The following CASP10 variants were observed in gnomAD, a reference collection of about 807,000 sequenced individuals.
CASP10 encodes caspase 10.
A neutral mutation model predicts 48.5 loss-of-function variants in CASP10; 41 were observed. That is an observed-to-expected ratio of 0.85 (90% CI 0.66 to 1.10). CASP10 has a LOEUF of 1.10. Among genes scored for constraint, CASP10 ranks in the 50% least tolerant of loss-of-function variants. CASP10 has a pLI of 0.00. For missense variants in CASP10, 614 were observed against 614.5 expected, an observed-to-expected ratio of 1.00 and a Z score of 0.01; for synonymous variants, 232 against 238.4, an observed-to-expected ratio of 0.97 and a Z score of 0.25.
intron 1 of CASP10, among the ~76,000 whole-genome samples, chr2:201,184,693 T>G (rs1047523926): frequency 1.3e-5 from 2 of 152,208 alleles, no homozygotes; most frequent in African/African-American, 2.4e-5. Context: ...ACTACATACC[T>G]CAAGTGCTTA....
chr2:201,228,866 C>T, intron 9 of CASP10: 1 of 1,471,102 alleles, frequency 6.8e-7, no homozygotes, highest in South Asian at 1.2e-5. Context: ...TCCAGCCTCT[C>T]CAGGTCCTTG....
chr2:201,183,378 G>A (rs1292725007), intron 1 of CASP10, 70 bp downstream of exon 1: 2 of 152,066 alleles, frequency 1.3e-5, no homozygotes, highest in Non-Finnish European at 2.9e-5. Flanking sequence ...TCATGGCTTC[G>A]TGTTGTAGAA....
chr2:201,191,733 G>A (rs1006814273), intron 3 of CASP10, among the ~76,000 whole-genome samples: 2 of 152,158 alleles, frequency 1.3e-5, no homozygotes, highest in South Asian at 4.1e-4. Context: ...GGCATTCTGG[G>A]CTTTGTCTTT....
At chr2:201,186,694 A>G (rs1363273301) in intron 2 of CASP10, among the ~76,000 whole-genome samples, 1 of 152,052 alleles carries the variant, frequency 6.6e-6, no homozygotes, top group Non-Finnish European at 1.5e-5. Context: ...ACAGCGTTTT[A>G]TTTTTATTTT....
In CASP10 at chr2:201,203,651, T is replaced by C. The variant is rs1945103057; in HGVS notation, c.685-79T>C. 3.2e-6 allele frequency: 4 copies of C among 1,236,740 alleles called. No individual in the cohort carries two copies. In the African/African-American group the frequency reaches 4.4e-5, roughly 14 times the overall value. The allele number at this position is 1,236,740 out of a possible 1,614,324, so 76.6% of individuals were successfully genotyped here. The stretch of plus-strand genomic sequence containing the variant: ...TGTGGATTAGATATCTGTCCTTCCC[T>C]GCATCAAGTCTAGTTTTTGTTCCTC... On this transcript the variant is annotated intron_variant, in intron 5 of 9. Transcript: ENST00000286186.
Position 201,221,307 on chromosome 2 carries a change from C to A in CASP10, c.*3566C>A, listed in dbSNP as rs1312992421. On this transcript the variant is annotated 3_prime_UTR_variant, in exon 10 of 10. Coordinates refer to ENST00000286186, the MANE Select transcript of CASP10 (RefSeq NM_032977.4). ...AAATGCTGTTGATAAAACCTCCTGT[C>A]AGGCCTCTGAGCCCAAGCTAAGCCA... is the stretch of plus-strand genomic sequence containing the variant. The A allele has an allele frequency of 1.0e-6, 1 of 986,146 alleles. No individual in the cohort carries two copies. Among genetic ancestry groups the A allele is most frequent in the African/African-American group, 1.7e-5 (1 of 57,374 alleles). 61.1% of individuals were successfully genotyped at this position (986,146 alleles called of 1,614,324 possible).
rs41499147 is a variant in CASP10 at position 201,187,663 on chromosome 2, A to G, written c.348-43A>G. 5.7e-5 allele frequency: 79 copies of G among 1,394,224 alleles called. No individual in the cohort carries two copies. The African/African-American group carries it at 8.5e-4, about 15-fold the overall frequency. 86.4% of individuals were successfully genotyped at this position (1,394,224 alleles called of 1,614,324 possible). A position where few individuals can be genotyped will look rare whatever the true frequency, so the allele number is the denominator to read the frequency against. ...CACTTGATTGATTATGGTGTCCTCC[A>G]CAAGTGTAAGGCTTTATTTGTCATT... On this transcript the variant is annotated intron_variant, in intron 2 of 9. Coordinates refer to ENST00000286186, the MANE Select transcript of CASP10 (RefSeq NM_032977.4).
At chr2:201,193,603 A>G (rs1423931700) in intron 4 of CASP10, among the ~76,000 whole-genome samples, 2 of 152,188 alleles carry the variant, frequency 1.3e-5, no homozygotes, top group Non-Finnish European at 2.9e-5. Flanking sequence ...TTGAGTTCAT[A>G]TTTTGTACCA....
chr2:201,188,008 TTC>T (rs1427387434), intron 3 of CASP10, among the ~76,000 whole-genome samples: 2 of 152,198 alleles, frequency 1.3e-5, no homozygotes, highest in African/African-American at 4.8e-5. Flanking sequence ...GATTGAACTT[TTC>T]TGAGTCTCTA....
chr2:201,201,079 A>G (rs1945002706), intron 5 of CASP10, among the ~76,000 whole-genome samples: 1 of 151,850 alleles, frequency 6.6e-6, no homozygotes. Flanking sequence ...TTTTTTTGAG[A>G]TGGAGTCTCG....
chr2:201,218,828 C>T lies in CASP10; in HGVS notation c.*1087C>T, dbSNP rs547289297. ...ACATCTAGTGAGGTGAAAATTTGGT[C>T]TATGCCAGGCCCATTTCCTGCTTTT... On this transcript the variant is annotated 3_prime_UTR_variant, in exon 10 of 10. Transcript: ENST00000286186. 1 of 985,410 alleles carries T rather than the reference C, an allele frequency of 1.0e-6. No individual in the cohort carries two copies. The highest frequency in any genetic ancestry group is 4.7e-5 in the South Asian group (1 of 21,284). 61.0% of individuals were successfully genotyped at this position (985,410 alleles called of 1,614,324 possible).
rs1945723368 is a variant in CASP10 at position 201,221,626 on chromosome 2, C to A, written c.*3885C>A. 1 of 152,238 alleles carries A rather than the reference C, an allele frequency of 6.6e-6. No individual in the cohort carries two copies. Among genetic ancestry groups the A allele is most frequent in the Admixed American group, 6.5e-5 (1 of 15,280 alleles). 9.4% of individuals were successfully genotyped at this position (152,238 alleles called of 1,614,324 possible). A position where few individuals can be genotyped will look rare whatever the true frequency, so the allele number is the denominator to read the frequency against. On this transcript the variant is annotated 3_prime_UTR_variant, in exon 10 of 10. Coordinates refer to ENST00000286186, the MANE Select transcript of CASP10 (RefSeq NM_032977.4). ...GACTTTCTTTTCGGACTCAGCCCACCTGCACCCAGGTGATTAAAAAGCTTT... is the reference window on the plus strand; with the variant it reads ...GACTTTCTTTTCGGACTCAGCCCACATGCACCCAGGTGATTAAAAAGCTTT...
rs886055409 is a variant in CASP10, at chr2:201,218,473, T to A, written c.*732T>A. ...GTGTGTCCATGCACAGCTAACTTTTTATTTTTTTTGTGGAGATGGGGTTTC... is the reference window on the plus strand; with the variant it reads ...GTGTGTCCATGCACAGCTAACTTTTAATTTTTTTTGTGGAGATGGGGTTTC... On this transcript the variant is annotated 3_prime_UTR_variant, in exon 10 of 10. Transcript: ENST00000286186. The A allele has an allele frequency of 1.1e-5, 8 of 704,482 alleles. No individual in the cohort carries two copies. Among genetic ancestry groups the A allele is most frequent in the Middle Eastern group, 7.0e-4 (1 of 1,420 alleles). 43.6% of individuals were successfully genotyped at this position (704,482 alleles called of 1,614,324 possible). A position where few individuals can be genotyped will look rare whatever the true frequency, so the allele number is the denominator to read the frequency against.
At chr2:201,194,572 AT>A (rs1478710762) in intron 4 of CASP10, among the ~76,000 whole-genome samples, 1 of 152,246 alleles carries the variant, frequency 6.6e-6, no homozygotes, top group Non-Finnish European at 1.5e-5. Flanking sequence ...GAAGGTTGAT[AT>A]GGAAAGAATA....
In CASP10 at chr2:201,201,199, G is replaced by A. The variant is rs139493345; in HGVS notation, c.685-2531G>A. Among the ~76,000 whole-genome samples, 760 of 151,992 alleles carry A rather than the reference G, an allele frequency of 5.0e-3. 9 individuals are homozygous for A. The highest frequency in any genetic ancestry group is 0.017 in the African/African-American group (714 of 41,458). ...CTAGTAGCTGGGATTACAGGCACCC[G>A]CCACCATGCCTGGCTAATTTTTTTT... On this transcript the variant is annotated intron_variant, in intron 5 of 9. Transcript: ENST00000286186.
chr2:201,201,543 T>C (rs949182360), intron 5 of CASP10, among the ~76,000 whole-genome samples: 1 of 152,094 alleles, frequency 6.6e-6, no homozygotes, highest in African/African-American at 2.4e-5. Flanking sequence ...TAAAGGGGCA[T>C]GGCTCAGCTG....
In CASP10 at chr2:201,209,442, C is replaced by T; in HGVS notation, c.1295C>T (p.Ala432Val). ...APTSLQDSIPAEADFLLGLAT... is the reference protein window; with the variant it reads ...APTSLQDSIPVEADFLLGLAT... ...ACTTCCCTGCAGGACAGTATTCCTG[C>T]CGAGGCTGACTTCCTACTTGGTCTG... The change falls in exon 9 of 10, where the codon GCC becomes GTC. Residue 432 changes from alanine to valine, a missense_variant. Coordinates refer to ENST00000286186, the MANE Select transcript of CASP10 (RefSeq NM_032977.4). The T allele has an allele frequency of 1.2e-6, 2 of 1,614,118 alleles. No individual in the cohort carries two copies. The highest frequency in any genetic ancestry group is 1.7e-5 in the Admixed American group (1 of 60,022).
chr2:201,213,152 TA>T (rs1298723855), intron 9 of CASP10: 1 of 152,248 alleles, frequency 6.6e-6, no homozygotes, highest in Non-Finnish European at 1.5e-5. Flanking sequence ...TCTCATCCTC[TA>T]AAAGTTGAGA....
At chr2:201,228,245 G>T (rs1384259814) in intron 9 of CASP10, among the ~76,000 whole-genome samples, 1 of 152,182 alleles carries the variant, frequency 6.6e-6, no homozygotes, top group African/African-American at 2.4e-5. Flanking sequence ...CGAGGCACAA[G>T]AATTGCTCGA....
Sources: gnomAD v4.1 joint callset for allele counts (sites outside exome capture counted in the v4.1 genomes callset) on GRCh38, gnomAD v4.1.1 for gene constraint, MANE v1.5 for transcripts, NCBI Gene and HGNC (gene_info 2026-07-23, HGNC 2026-07-21) for gene names.